TMEM68: variants seen among roughly 807,000 people sequenced by gnomAD.
TMEM68 encodes the protein DGAT1/2-independent enzyme synthesizing storage lipids.
A neutral mutation model predicts 36.9 loss-of-function variants in TMEM68; 25 were observed. That is an observed-to-expected ratio of 0.68 (90% CI 0.49 to 0.95). The LOEUF (loss-of-function observed/expected upper bound fraction) is 0.95. Among genes scored for constraint, TMEM68 ranks in the 40% least tolerant of loss-of-function variants. The pLI, the probability that TMEM68 is intolerant of heterozygous loss-of-function variation, is 0.00. For missense variants in TMEM68, 333 were observed against 392.0 expected (o/e 0.85, Z 1.27); for synonymous variants, 131 against 124.4 (o/e 1.05, Z -0.35).
chr8:55,756,265 G>T lies in TMEM68; in HGVS notation c.472C>A (p.His158Asn). The change falls in exon 4 of 8, where the codon CAC (histidine) becomes AAC (asparagine). Residue 158 changes from histidine to asparagine, a missense_variant. Transcript: ENST00000434581. ...TTACCTGGAATTTTAAAGACAAAGT[G>T]ATCAGCTACTACTCGGCAAGTTCTG... ...KGRTCRVVAD[H>N]FVFKIPGFSL... 1 of 1,595,570 alleles carries T rather than the reference G, an allele frequency of 6.3e-7. No homozygotes were observed. Among genetic ancestry groups the T allele is most frequent in the South Asian group, 1.2e-5 (1 of 86,040 alleles).
chr8:55,761,493 T>C (rs1313400591), intron 3 of TMEM68: 1 of 152,226 alleles, frequency 6.6e-6, no homozygotes, highest in Non-Finnish European at 1.5e-5. Context: ...CTCAAATGTA[T>C]ACTCCCAGGT....
At chr8:55,769,018 T>TCAAAAAAAAAAAAA (rs1554556017) in intron 1 of TMEM68, among the ~76,000 whole-genome samples, 1 of 82,094 alleles carries the variant, frequency 1.2e-5, no homozygotes, top group Non-Finnish European at 2.4e-5. Context: ...ACTCTGTCTT[T>TCAAAAAAAAAAAAA]AAAAAAAAAA....
intron 3 of TMEM68, among the ~76,000 whole-genome samples, chr8:55,759,256 A>AT (rs1810705087): frequency 4.5e-5 from 3 of 66,250 alleles, no homozygotes; most frequent in African/African-American, 1.5e-4. Context: ...CCCTGTCTCT[A>AT]CAAAAAAAAA....
intron 7 of TMEM68, among the ~76,000 whole-genome samples, chr8:55,743,031 C>A (rs1037640362): frequency 9.9e-5 from 15 of 152,168 alleles, no homozygotes; most frequent in Admixed American, 8.5e-4. Context: ...CGTTGGCCTT[C>A]TCCTTCAGTG....
intron 3 of TMEM68, among the ~76,000 whole-genome samples, chr8:55,756,976 T>A (rs1585722611): frequency 2.7e-5 from 1 of 36,422 alleles, no homozygotes; most frequent in Non-Finnish European, 6.7e-5. Flanking sequence ...CATCCATGAG[T>A]TGTAGGGGAA....
intron 7 of TMEM68, among the ~76,000 whole-genome samples, chr8:55,741,846 A>T (rs1363228446): frequency 1.3e-5 from 2 of 152,222 alleles, no homozygotes; most frequent in Non-Finnish European, 2.9e-5. Flanking sequence ...TTAAATACCA[A>T]GTAAAAAAGC....
intron 7 of TMEM68, among the ~76,000 whole-genome samples, chr8:55,742,852 G>C (rs1031582971): frequency 1.3e-5 from 2 of 150,374 alleles, no homozygotes; most frequent in Non-Finnish European, 3.0e-5. Flanking sequence ...ATAATTATGA[G>C]GCAGGCAGGC....
intron 4 of TMEM68, 59 bp from the exon 5 acceptor site, chr8:55,751,216 A>T: frequency 6.8e-7 from 1 of 1,461,238 alleles, no homozygotes; most frequent in Non-Finnish European, 9.2e-7. Flanking sequence ...ATTCTTCAAA[A>T]GAAAAATCTT....
chr8:55,762,428 T>C (rs1810822842), intron 3 of TMEM68: 1 of 939,694 alleles, frequency 1.1e-6, no homozygotes, highest in Admixed American at 3.2e-5. Flanking sequence ...TGGTTCTTTG[T>C]TTAATGGAAA....
rs772416639 is a variant in TMEM68 at position 55,762,839 on chromosome 8, C to A, written c.121G>T (p.Ala41Ser). 6 of 1,614,102 alleles carry A rather than the reference C, an allele frequency of 3.7e-6. No homozygotes were observed. The highest frequency in any genetic ancestry group is 5.1e-6 in the Non-Finnish European group (6 of 1,180,002). The change falls in exon 3 of 8, where the codon GCA becomes TCA. Residue 41 changes from alanine to serine, a missense_variant. Ala to Ser is a moderately conservative substitution (Grantham distance 99). Transcript: ENST00000434581. ...VEQLEDYLNF[A>S]NYLLWVFTPL... The stretch of plus-strand genomic sequence containing the variant: ...GTAAAAACCCACAAGAGATAGTTTG[C>A]AAAATTCAAATAGTCCTCCAACTGC...
intron 7 of TMEM68, among the ~76,000 whole-genome samples, chr8:55,742,901 C>G (rs1205134280): frequency 6.6e-6 from 1 of 150,998 alleles, no homozygotes; most frequent in East Asian, 1.9e-4. Context: ...TTTGCAAAAA[C>G]TAACATTACT....
intron 4 of TMEM68, among the ~76,000 whole-genome samples, chr8:55,755,001 T>A (rs1810559596): frequency 1.4e-5 from 2 of 146,314 alleles, no homozygotes; most frequent in African/African-American, 5.0e-5. Flanking sequence ...CAGATTTTTT[T>A]AAATGTAGTC....
intron 3 of TMEM68, among the ~76,000 whole-genome samples, chr8:55,756,742 G>C (rs916183504): frequency 3.3e-5 from 5 of 152,132 alleles, no homozygotes; most frequent in African/African-American, 9.7e-5. Context: ...GCACAGAAGA[G>C]AGCCTATCAC....
At chr8:55,741,813 T>C (rs570515815) in intron 7 of TMEM68, among the ~76,000 whole-genome samples, 1 of 152,334 alleles carries the variant, frequency 6.6e-6, no homozygotes, top group African/African-American at 2.4e-5. Context: ...TTAAAATTAA[T>C]TTCAATTAAA....
chr8:55,749,974 G>T (rs756565067), intron 5 of TMEM68, among the ~76,000 whole-genome samples: 24 of 152,046 alleles, frequency 1.6e-4, no homozygotes, highest in Non-Finnish European at 3.1e-4. Flanking sequence ...CAAGCAATAT[G>T]TTGCCGAAAA....
At chr8:55,742,875 T>C (rs6474010) in intron 7 of TMEM68, among the ~76,000 whole-genome samples, 104,562 of 150,584 alleles carry the variant, frequency 0.69, 36,430 homozygotes, top group African/African-American at 0.74. Flanking sequence ...TTCTCCTCTT[T>C]ATCCTCCTTC....
chr8:55,743,177 G>A lies in TMEM68; in HGVS notation c.888+304C>T, dbSNP rs528091746. On this transcript the variant is annotated intron_variant, in intron 7 of 7. Coordinates refer to ENST00000434581, the MANE Select transcript of TMEM68 (RefSeq NM_001286657.2). ...AATTCTGACTTTCTCCCAAACTCCA[G>A]TCCAATATTTCCAAAAACCTATGCA... is the stretch of plus-strand genomic sequence containing the variant. Among the ~76,000 whole-genome samples, 5 of 152,096 alleles carry A rather than the reference G, an allele frequency of 3.3e-5. 1 individual carries two copies. In the South Asian group the frequency reaches 1.0e-3, roughly 32 times the overall value.
At chr8:55,752,721 CTTT>C (rs61195952) in intron 4 of TMEM68, among the ~76,000 whole-genome samples, 48 of 102,710 alleles carry the variant, frequency 4.7e-4, no homozygotes, top group Admixed American at 5.4e-4. Context: ...TATAGGATCC[CTTT>C]TTTTTTTTTT....
intron 1 of TMEM68, among the ~76,000 whole-genome samples, chr8:55,769,533 A>G (rs1028065672): frequency 6.6e-6 from 1 of 152,166 alleles, no homozygotes; most frequent in African/African-American, 2.4e-5. Context: ...ATCAGTAAAT[A>G]AAATAGTTAT....
Sources: gnomAD v4.1 joint callset for allele counts (sites outside exome capture counted in the v4.1 genomes callset) on GRCh38, gnomAD v4.1.1 for gene constraint, MANE v1.5 for transcripts, NCBI Gene and HGNC (gene_info 2026-07-23, HGNC 2026-07-21) for gene names.